The following NELL2 variants were observed in gnomAD, a reference collection of about 807,000 sequenced individuals.
NELL2 encodes protein kinase C-binding protein NELL2.
Under a neutral mutation model 109.6 loss-of-function variants are expected in NELL2, and 41 were observed. The ratio of observed to expected loss-of-function variants is 0.37; its 90% CI spans 0.29 to 0.49. NELL2 has a LOEUF of 0.49. NELL2 is among the 20% of genes least tolerant of loss of function. The pLI is 0.98. For missense variants in NELL2, 900 were observed against 1,008.3 expected (o/e 0.89, Z 1.45); for synonymous variants, 355 against 344.7 (o/e 1.03, Z -0.33).
At chr12:44,559,453 C>G (rs888574172) in intron 15 of NELL2, among the ~76,000 whole-genome samples, 1 of 152,008 alleles carries the variant, frequency 6.6e-6, no homozygotes, top group Non-Finnish European at 1.5e-5. Context: ...GCAAAGACAC[C>G]CATAGCCTCA....
intron 16 of NELL2, among the ~76,000 whole-genome samples, chr12:44,531,402 T>C (rs1217472930): frequency 1.3e-5 from 2 of 152,202 alleles, no homozygotes; most frequent in Admixed American, 1.3e-4. Context: ...GTTCCTGGCA[T>C]TCTCTCCAGG....
intron 12 of NELL2, among the ~76,000 whole-genome samples, chr12:44,673,935 T>A (rs1262673218): frequency 6.8e-5 from 10 of 147,366 alleles, no homozygotes; most frequent in Admixed American, 2.7e-4. Context: ...TGAGACACTT[T>A]AAAAAAAAAA....
chr12:44,792,385 G>T (rs1004796444), intron 3 of NELL2, among the ~76,000 whole-genome samples: 1 of 152,070 alleles, frequency 6.6e-6, no homozygotes, highest in African/African-American at 2.4e-5. Flanking sequence ...TACTATACGT[G>T]CTTGTATGCT....
intron 2 of NELL2, among the ~76,000 whole-genome samples, chr12:44,865,494 T>A (rs1201418879): frequency 2.9e-5 from 3 of 103,222 alleles, no homozygotes; most frequent in African/African-American, 1.1e-4. Flanking sequence ...TAAAAAATGA[T>A]GAGTTCATGT....
chr12:44,792,562 A>G (rs1241462532), intron 3 of NELL2, among the ~76,000 whole-genome samples: 3 of 152,154 alleles, frequency 2.0e-5, no homozygotes, highest in African/African-American at 7.2e-5. Flanking sequence ...ACAACCAATG[A>G]CATTCTATAA....
intron 13 of NELL2, among the ~76,000 whole-genome samples, chr12:44,638,006 C>T (rs1367891132): frequency 6.6e-6 from 1 of 152,040 alleles, no homozygotes; most frequent in Non-Finnish European, 1.5e-5. Context: ...TGCAAAAGCC[C>T]TTTGTCAGAT....
chr12:44,766,017 T>C (rs1333308308), intron 9 of NELL2, among the ~76,000 whole-genome samples: 2 of 149,786 alleles, frequency 1.3e-5, no homozygotes, highest in Non-Finnish European at 3.0e-5. Flanking sequence ...CTACAGGAGG[T>C]GGAGGCTGCA....
chr12:44,749,766 A>T (rs1431158490), intron 9 of NELL2, among the ~76,000 whole-genome samples: 1 of 152,176 alleles, frequency 6.6e-6, no homozygotes, highest in African/African-American at 2.4e-5. Context: ...AGAAGAGGTG[A>T]TGCCATCATT....
chr12:44,674,955 C>A (rs1948256465), intron 12 of NELL2, among the ~76,000 whole-genome samples: 1 of 152,166 alleles, frequency 6.6e-6, no homozygotes, highest in Non-Finnish European at 1.5e-5. Flanking sequence ...TTGTCCACAA[C>A]AAAGGCTGGC....
chr12:44,818,725 ATTTTTTTTTTT>A (rs1409987918), intron 2 of NELL2, among the ~76,000 whole-genome samples: 1 of 72,146 alleles, frequency 1.4e-5, no homozygotes, highest in East Asian at 5.2e-4. Flanking sequence ...TTGTTCACTT[ATTTTTTTTTTT>A]TTATTTTTTT....
At chr12:44,870,545 T>A (rs1219888404) in intron 2 of NELL2, among the ~76,000 whole-genome samples, 1 of 152,158 alleles carries the variant, frequency 6.6e-6, no homozygotes, top group Non-Finnish European at 1.5e-5. Flanking sequence ...TGAGTCTCAT[T>A]GGTCTAAAAT....
chr12:44,787,674 C>T (rs1942229821), intron 3 of NELL2, among the ~76,000 whole-genome samples: 1 of 151,214 alleles, frequency 6.6e-6, no homozygotes, highest in South Asian at 2.1e-4. Context: ...GATTTTTTTA[C>T]AAAAGAGCAA....
chr12:44,819,445 C>G (rs1943469168), intron 2 of NELL2, among the ~76,000 whole-genome samples: 3 of 152,202 alleles, frequency 2.0e-5, no homozygotes, highest in Non-Finnish European at 2.9e-5. Context: ...TTTGACTAGA[C>G]TAGTAATAGT....
intron 2 of NELL2, among the ~76,000 whole-genome samples, chr12:44,828,189 T>C (rs770757072): frequency 1.3e-5 from 2 of 152,166 alleles, no homozygotes; most frequent in Non-Finnish European, 2.9e-5. Context: ...ATAGAGTTGT[T>C]TGAGCTCCTT....
intron 9 of NELL2, among the ~76,000 whole-genome samples, chr12:44,767,659 AT>A (rs1941390060): frequency 6.6e-6 from 1 of 152,208 alleles, no homozygotes; most frequent in Admixed American, 6.5e-5. Context: ...AAGAAATAAA[AT>A]AATAAACTAT....
intron 9 of NELL2, among the ~76,000 whole-genome samples, chr12:44,757,719 T>C (rs1192278299): frequency 4.6e-5 from 7 of 152,178 alleles, no homozygotes; most frequent in Non-Finnish European, 1.5e-5. Context: ...TGTACAATGT[T>C]CAACCTATAA....
At chr12:44,919,457 G>C (rs2136899341) in intron 1 of NELL2, among the ~76,000 whole-genome samples, 1 of 152,200 alleles carries the variant, frequency 6.6e-6, no homozygotes, top group South Asian at 2.1e-4. Context: ...CTAACCCCCA[G>C]TACCTGTGAC....
intron 13 of NELL2, among the ~76,000 whole-genome samples, chr12:44,618,650 G>A (rs1038938365): frequency 3.9e-5 from 6 of 152,154 alleles, no homozygotes; most frequent in Admixed American, 3.3e-4. Flanking sequence ...GCTCTGGAGA[G>A]TGCAAAGATG....
At chr12:44,824,271 G>T (rs1193601543) in intron 2 of NELL2, among the ~76,000 whole-genome samples, 1 of 152,008 alleles carries the variant, frequency 6.6e-6, no homozygotes, top group East Asian at 1.9e-4. Context: ...TTTTAGTTTG[G>T]TGCAATCTCA....
Sources: gnomAD v4.1 joint callset for allele counts (sites outside exome capture counted in the v4.1 genomes callset) on GRCh38, gnomAD v4.1.1 for gene constraint, MANE v1.5 for transcripts, NCBI Gene and HGNC (gene_info 2026-07-23, HGNC 2026-07-21) for gene names.